Variants in BCAR3 observed in about 807,000 individuals in gnomAD.
BCAR3 encodes breast cancer anti-estrogen resistance protein 3.
A neutral mutation model predicts 80.1 loss-of-function variants in BCAR3; 37 were observed. The observed-to-expected ratio is 0.46, with a 90% CI of 0.36 to 0.61. The LOEUF is 0.61. Among genes scored for constraint, BCAR3 ranks in the 20% least tolerant of loss-of-function variants. BCAR3 has a pLI of 0.00. For synonymous variants in BCAR3, 389 were observed against 418.9 expected (o/e 0.93, Z 0.87); for missense variants, 978 against 1,068.2 (o/e 0.92, Z 1.18).
At chr1:93,829,012 T>C (rs1654468934) in intron 2 of BCAR3, among the ~76,000 whole-genome samples, 1 of 152,126 alleles carries the variant, frequency 6.6e-6, no homozygotes. Context: ...ACTCAGGACA[T>C]GGACACACAC....
chr1:93,828,035 A>G (rs181487719), intron 2 of BCAR3, among the ~76,000 whole-genome samples: 1 of 152,218 alleles, frequency 6.6e-6, no homozygotes, highest in African/African-American at 2.4e-5. Flanking sequence ...GGAGGCAGAG[A>G]GCAGGAGGAT....
At chr1:93,669,651 G>GTA (rs2101941082) in intron 2 of BCAR3, among the ~76,000 whole-genome samples, 1 of 152,290 alleles carries the variant, frequency 6.6e-6, no homozygotes, top group African/African-American at 2.4e-5. Context: ...GACCTGAATG[G>GTA]TATCCAAGCA....
chr1:93,722,385 A>G lies in BCAR3; in HGVS notation c.-62-16243T>C, dbSNP rs1189662984. ...TTGGCAGTCAAACAATACCATAATT[A>G]TGTGCTTTTTAACTTCAGAAATCAG... On this transcript the variant is annotated intron_variant, in intron 2 of 13. Coordinates refer to the BCAR3 transcript ENST00000370244. Among the ~76,000 whole-genome samples, 2 of 152,206 alleles carry G rather than the reference A, an allele frequency of 1.3e-5. 1 individual carries two copies. Among genetic ancestry groups the G allele is most frequent in the African/African-American group, 4.8e-5 (2 of 41,446 alleles).
rs992632838 is a variant in BCAR3, at chr1:93,675,957, C to T, written c.-11-1016G>A. On this transcript the variant is annotated intron_variant, in intron 1 of 11. Coordinates refer to ENST00000260502, the MANE Select transcript of BCAR3 (RefSeq NM_003567.4). ...AAAAAAAAAAAAAAAAAAAGGCTGG[C>T]CCCTGGAGATAGAGGCTCCAGGATC... 5.1e-4 allele frequency among the ~76,000 whole-genome samples: 59 copies of T among 115,350 alleles called. 1 individual carries two copies. Among genetic ancestry groups the T allele is most frequent in the Admixed American group, 4.5e-3 (57 of 12,576 alleles). 75.7% of individuals were successfully genotyped at this position (115,350 alleles called of 152,430 possible).
At chr1:93,811,765 A>G (rs2100804888) in intron 2 of BCAR3, among the ~76,000 whole-genome samples, 1 of 152,286 alleles carries the variant, frequency 6.6e-6, no homozygotes, top group East Asian at 1.9e-4. Flanking sequence ...AGTGGCTCCA[A>G]CCATTTCCTG....
At chr1:93,649,668 A>C (rs946037984) in intron 2 of BCAR3, among the ~76,000 whole-genome samples, 2 of 152,158 alleles carry the variant, frequency 1.3e-5, no homozygotes, top group African/African-American at 4.8e-5. Context: ...GCACCTAAAA[A>C]AAAGAGTTAC....
intron 2 of BCAR3, among the ~76,000 whole-genome samples, chr1:93,830,310 A>C (rs956438328): frequency 1.3e-5 from 2 of 152,110 alleles, no homozygotes; most frequent in East Asian, 3.9e-4. Context: ...AAAATACAAA[A>C]ATTAGCTGGG....
chr1:93,774,386 A>C (rs776757697), intron 2 of BCAR3, among the ~76,000 whole-genome samples: 3 of 150,618 alleles, frequency 2.0e-5, no homozygotes, highest in Non-Finnish European at 4.4e-5. Flanking sequence ...CAGGAGTCTG[A>C]GGCAGGAGAA....
intron 3 of BCAR3, among the ~76,000 whole-genome samples, chr1:93,635,959 G>A (rs1393717835): frequency 6.6e-6 from 1 of 152,236 alleles, no homozygotes; most frequent in Non-Finnish European, 1.5e-5. Context: ...AAAGGGAGCT[G>A]AAGTCACATC....
At chr1:93,834,282 C>T (rs11165017) in intron 2 of BCAR3, among the ~76,000 whole-genome samples, 14,913 of 152,192 alleles carry the variant, frequency 0.098, 928 homozygotes, top group East Asian at 0.18. Flanking sequence ...TCAGGATCTG[C>T]GCTTTATCAA....
At chr1:93,653,725 C>G (rs940275763) in intron 2 of BCAR3, among the ~76,000 whole-genome samples, 2 of 152,160 alleles carry the variant, frequency 1.3e-5, no homozygotes, top group Admixed American at 6.5e-5. Flanking sequence ...GGAGAGGCCT[C>G]CAGGCAGCAT....
At chr1:93,837,835 G>T (rs1246073254) in intron 2 of BCAR3, among the ~76,000 whole-genome samples, 1 of 152,226 alleles carries the variant, frequency 6.6e-6, no homozygotes, top group East Asian at 1.9e-4. Context: ...CCTGCTCAAT[G>T]AGAATGGGCT....
At chr1:93,804,460 A>T (rs550339187) in intron 2 of BCAR3, among the ~76,000 whole-genome samples, 24 of 152,346 alleles carry the variant, frequency 1.6e-4, no homozygotes, top group African/African-American at 5.5e-4. Flanking sequence ...GGGCAGTATT[A>T]AGTAAAACAG....
chr1:93,654,542 C>G (rs1434866109), intron 2 of BCAR3, among the ~76,000 whole-genome samples: 3 of 152,208 alleles, frequency 2.0e-5, no homozygotes, highest in Non-Finnish European at 4.4e-5. Context: ...TGAGCTAAGC[C>G]AGACTTCTGA....
chr1:93,777,595 A>AT (rs34609475), intron 2 of BCAR3, among the ~76,000 whole-genome samples: 17,644 of 150,330 alleles, frequency 0.12, 1,449 homozygotes, highest in African/African-American at 0.22. Flanking sequence ...CTAATTTAAA[A>AT]TTTTTTTTTG....
At chr1:93,765,672 ATT>A (rs532790056) in intron 2 of BCAR3, among the ~76,000 whole-genome samples, 7 of 140,732 alleles carry the variant, frequency 5.0e-5, no homozygotes, top group Admixed American at 1.4e-4. Context: ...CTTCTTAGCA[ATT>A]TTTTTTTTTT....
chr1:93,754,583 A>C (rs1651683385), intron 2 of BCAR3, among the ~76,000 whole-genome samples: 1 of 152,194 alleles, frequency 6.6e-6, no homozygotes. Context: ...CATATATGAC[A>C]GTGGTCCCAT....
intron 3 of BCAR3, among the ~76,000 whole-genome samples, chr1:93,625,939 A>G (rs1340328571): frequency 6.6e-6 from 1 of 152,206 alleles, no homozygotes; most frequent in Non-Finnish European, 1.5e-5. Flanking sequence ...TCCCTCGACT[A>G]CACTTGCATA....
intron 4 of BCAR3, chr1:93,590,162 G>A (rs945339550): frequency 6.6e-6 from 1 of 152,162 alleles, no homozygotes; most frequent in Admixed American, 6.5e-5. Flanking sequence ...TACTATCAGG[G>A]TTATGTATTT....
Sources: allele counts gnomAD v4.1 joint callset (sites outside exome capture counted in the v4.1 genomes callset), GRCh38; gene constraint gnomAD v4.1.1; transcripts MANE v1.5; gene names NCBI Gene and HGNC (gene_info 2026-07-23, HGNC 2026-07-21).